ADAMTSL1: variants seen among roughly 807,000 people sequenced by gnomAD.
ADAMTSL1 encodes the protein ADAMTS-like protein 1.
ADAMTSL1 carries 126 observed loss-of-function variants against 201.8 expected under a neutral mutation model. The ratio of observed to expected loss-of-function variants is 0.62; its 90% confidence interval spans 0.54 to 0.72. ADAMTSL1 has a LOEUF of 0.72. ADAMTSL1 is among the 30% of genes least tolerant of loss of function. The pLI, the probability that ADAMTSL1 is intolerant of heterozygous loss-of-function variation, is 0.00. For missense variants in ADAMTSL1, 2,679 were observed against 2,277.8 expected, an observed-to-expected ratio of 1.18 and a Z score of -3.59; for synonymous variants, 1,121 against 903.4, an observed-to-expected ratio of 1.24 and a Z score of -4.32.
At chr9:18,353,541 A>G (rs749657558) in intron 2 of ADAMTSL1, among the ~76,000 whole-genome samples, 4 of 152,218 alleles carry the variant, frequency 2.6e-5, no homozygotes, top group African/African-American at 7.2e-5. Context: ...TCATAAAGCT[A>G]TAATTTATCT....
intron 7 of ADAMTSL1, among the ~76,000 whole-genome samples, chr9:18,650,471 C>T (rs567648962): frequency 1.4e-4 from 21 of 152,226 alleles, no homozygotes; most frequent in Admixed American, 7.9e-4. Flanking sequence ...CAGAAATCAC[C>T]CGTCTTCTGC....
chr9:18,882,890 G>A (rs1030570689), intron 23 of ADAMTSL1, among the ~76,000 whole-genome samples: 6 of 151,878 alleles, frequency 4.0e-5, no homozygotes, highest in Admixed American at 1.3e-4. Context: ...TATTTGGGAG[G>A]CTGAGGTGGG....
intron 1 of ADAMTSL1, among the ~76,000 whole-genome samples, chr9:18,503,255 G>C (rs1165045321): frequency 6.6e-6 from 1 of 151,370 alleles, no homozygotes; most frequent in Non-Finnish European, 1.5e-5. Context: ...AGACATTTCT[G>C]TGTCTATGAA....
At chr9:18,461,717 G>C (rs1157834153) in intron 2 of ADAMTSL1, among the ~76,000 whole-genome samples, 1 of 152,058 alleles carries the variant, frequency 6.6e-6, no homozygotes, top group Non-Finnish European at 1.5e-5. Context: ...AATAAAACAA[G>C]GTACTGAACC....
intron 2 of ADAMTSL1, among the ~76,000 whole-genome samples, chr9:18,455,399 T>A (rs1820562176): frequency 6.6e-6 from 1 of 152,228 alleles, no homozygotes; most frequent in African/African-American, 2.4e-5. Context: ...TGCTCATATG[T>A]TGCAAATGTT....
At chr9:18,799,398 G>A (rs755215777) in intron 20 of ADAMTSL1, among the ~76,000 whole-genome samples, 3 of 152,120 alleles carry the variant, frequency 2.0e-5, no homozygotes, top group African/African-American at 7.2e-5. Context: ...TTCCAAATCC[G>A]AATGGCCTAG....
intron 2 of ADAMTSL1, among the ~76,000 whole-genome samples, chr9:18,185,946 G>C (rs1025864679): frequency 6.6e-6 from 1 of 152,152 alleles, no homozygotes; most frequent in Non-Finnish European, 1.5e-5. Flanking sequence ...TTTACTCTAG[G>C]ATTAAATGAA....
chr9:18,724,573 A>G (rs10123802), intron 15 of ADAMTSL1, among the ~76,000 whole-genome samples: 69,915 of 152,110 alleles, frequency 0.46, 17,120 homozygotes, highest in East Asian at 0.64. Flanking sequence ...AAAAATAGTC[A>G]TTTTCTGTTA....
At chr9:18,678,897 A>G (rs749471057) in intron 10 of ADAMTSL1, among the ~76,000 whole-genome samples, 5 of 152,204 alleles carry the variant, frequency 3.3e-5, no homozygotes, top group Non-Finnish European at 7.4e-5. Flanking sequence ...GAGCTACTTC[A>G]TTCTCTTGAA....
chr9:18,292,693 C>T (rs932040558), intron 2 of ADAMTSL1, among the ~76,000 whole-genome samples: 2 of 152,218 alleles, frequency 1.3e-5, no homozygotes, highest in Admixed American at 1.3e-4. Context: ...CATCAGACCC[C>T]AGTTCTTCAG....
chr9:18,670,100 A>G (rs1435821838), intron 9 of ADAMTSL1, among the ~76,000 whole-genome samples: 1 of 152,188 alleles, frequency 6.6e-6, no homozygotes, highest in African/African-American at 2.4e-5. Flanking sequence ...TCTAGAGAAG[A>G]TGGAGCACCA....
At chr9:18,789,633 C>G (rs1821907885) in intron 19 of ADAMTSL1, among the ~76,000 whole-genome samples, 1 of 152,160 alleles carries the variant, frequency 6.6e-6, no homozygotes, top group South Asian at 2.1e-4. Flanking sequence ...AAATGAGACA[C>G]TGTTGATTGA....
chr9:18,498,422 C>T (rs547740728), intron 1 of ADAMTSL1, among the ~76,000 whole-genome samples: 2 of 149,532 alleles, frequency 1.3e-5, no homozygotes, highest in African/African-American at 4.9e-5. Flanking sequence ...CTGCAACCTT[C>T]ACCTCCTGGG....
intron 1 of ADAMTSL1, among the ~76,000 whole-genome samples, chr9:17,934,232 A>G (rs1826912740): frequency 6.6e-6 from 1 of 152,094 alleles, no homozygotes; most frequent in Non-Finnish European, 1.5e-5. Flanking sequence ...CAATAAGGTA[A>G]TTCCCCCATA....
intron 14 of ADAMTSL1, among the ~76,000 whole-genome samples, chr9:18,718,770 CACACCTGATCCAGTCACTTTCAAGT>C (rs1833137358): frequency 1.3e-5 from 2 of 152,256 alleles, no homozygotes; most frequent in Admixed American, 6.5e-5. Flanking sequence ...CCTTCACACA[CACACCTGATCCAGTCACTTTCAAGT>C]AAAGCATGTG....
intron 13 of ADAMTSL1, among the ~76,000 whole-genome samples, chr9:18,699,844 G>C (rs1831817878): frequency 6.6e-6 from 1 of 152,150 alleles, no homozygotes; most frequent in South Asian, 2.1e-4. Context: ...GCCTAGGCTT[G>C]ACACTTGAGG....
chr9:18,662,149 C>A, intron 9 of ADAMTSL1, 76 bp downstream of exon 9: 1 of 1,509,694 alleles, frequency 6.6e-7, no homozygotes, highest in Non-Finnish European at 9.0e-7. Context: ...TAAAATGAAA[C>A]GTTTTAATTA....
Position 18,574,144 on chromosome 9 carries a change from C to T in ADAMTSL1, c.352C>T (p.Pro118Ser), listed in dbSNP as rs143334077. 1.1e-5 allele frequency: 18 copies of T among 1,614,002 alleles called. No individual in the cohort carries two copies. The highest frequency in any genetic ancestry group is 1.5e-5 in the Non-Finnish European group (18 of 1,180,018). ...WLPVSNDPDNPCSLKCQAKGT... is the reference protein window; with the variant it reads ...WLPVSNDPDNSCSLKCQAKGT... ...TCCTGTGTCTAATGACCCTGACAAC[C>T]CATGTTCACTCAAGTGCCAAGCCAA... The change falls in exon 4 of 29, where the codon CCA becomes TCA. Residue 118 changes from proline (P) to serine (S), a missense_variant. Pro to Ser is a moderately conservative substitution (Grantham distance 74, BLOSUM62 -1). Coordinates refer to ENST00000380548, the MANE Select transcript of ADAMTSL1 (RefSeq NM_001040272.6).
chr9:18,455,981 C>A (rs1234844041), intron 2 of ADAMTSL1, among the ~76,000 whole-genome samples: 2 of 152,110 alleles, frequency 1.3e-5, no homozygotes, highest in East Asian at 1.9e-4. Context: ...AAAGCCCTCC[C>A]ATTTCAACTT....
Sources: gnomAD v4.1 joint callset for allele counts (sites outside exome capture counted in the v4.1 genomes callset) on GRCh38, gnomAD v4.1.1 for gene constraint, MANE v1.5 for transcripts, NCBI Gene and HGNC (gene_info 2026-07-23, HGNC 2026-07-21) for gene names.